BIRC6: variants seen among roughly 807,000 people sequenced by gnomAD.
BIRC6 encodes baculoviral IAP repeat containing 6.
Under a neutral mutation model 503.3 loss-of-function variants are expected in BIRC6, and 98 were observed. The ratio of observed to expected loss-of-function variants is 0.19; its 90% CI spans 0.17 to 0.23. The LOEUF is 0.23. Among genes scored for constraint, BIRC6 ranks in the 10% least tolerant of loss-of-function variants. The pLI, the probability that BIRC6 is intolerant of heterozygous loss-of-function variation, is 1.00. For missense variants in BIRC6, 5,360 were observed against 5,806.0 expected (o/e 0.92, Z 2.50); for synonymous variants, 2,240 against 2,078.7 (o/e 1.08, Z -2.11).
chr2:32,468,199 C>T (rs2048758862), intron 28 of BIRC6, 88 bp downstream of exon 28: 2 of 1,339,292 alleles, frequency 1.5e-6, no homozygotes, highest in Admixed American at 2.1e-5. Flanking sequence ...AATGTCTTTT[C>T]ATAGGTGTAC....
intron 71 of BIRC6, among the ~76,000 whole-genome samples, chr2:32,603,619 G>A (rs922324430): frequency 6.6e-6 from 1 of 152,002 alleles, no homozygotes; most frequent in Admixed American, 6.6e-5. Flanking sequence ...ACTAGGAGGC[G>A]CCTCTGAGGT....
intron 61 of BIRC6, among the ~76,000 whole-genome samples, chr2:32,538,790 G>A (rs768979351): frequency 6.6e-6 from 1 of 152,200 alleles, no homozygotes; most frequent in Non-Finnish European, 1.5e-5. Flanking sequence ...TAATTAGCCA[G>A]CAGTGGTAGC....
intron 29 of BIRC6, 44 bp downstream of exon 29, chr2:32,468,827 G>A: frequency 7.1e-7 from 1 of 1,399,318 alleles, no homozygotes; most frequent in East Asian, 2.3e-5. Context: ...GAATATACTT[G>A]ATGTGATTTC....
At chr2:32,434,386 C>T (rs997625423) in intron 13 of BIRC6, among the ~76,000 whole-genome samples, 5 of 152,074 alleles carry the variant, frequency 3.3e-5, no homozygotes, top group Non-Finnish European at 7.4e-5. Context: ...AACATTGAAA[C>T]TTGAAAATTT....
intron 65 of BIRC6, among the ~76,000 whole-genome samples, chr2:32,549,895 A>G (rs983212620): frequency 9.9e-5 from 15 of 152,216 alleles, no homozygotes; most frequent in African/African-American, 3.4e-4. Context: ...AATCAAGTCC[A>G]TAGGTACTTG....
intron 10 of BIRC6, among the ~76,000 whole-genome samples, chr2:32,423,746 G>A (rs1457934842): frequency 2.0e-5 from 3 of 151,750 alleles, no homozygotes; most frequent in African/African-American, 4.8e-5. Context: ...AATATTAAAT[G>A]GAAAATTTCA....
intron 50 of BIRC6, among the ~76,000 whole-genome samples, chr2:32,506,410 A>G (rs2053798611): frequency 6.6e-6 from 1 of 152,256 alleles, no homozygotes; most frequent in Admixed American, 6.5e-5. Flanking sequence ...TAAAAAACAG[A>G]TAATATAAAG....
chr2:32,543,611 C>A, intron 62 of BIRC6, 70 bp downstream of exon 62: 1 of 1,415,384 alleles, frequency 7.1e-7, no homozygotes. Flanking sequence ...AGATCATTGC[C>A]TATTATTCAT....
chr2:32,507,848 T>C, intron 50 of BIRC6, 132 bp from the exon 51 acceptor site: 1 of 750,304 alleles, frequency 1.3e-6, no homozygotes, highest in Non-Finnish European at 2.0e-6. Flanking sequence ...CTATATTTTG[T>C]TGTATAAGTT....
chr2:32,415,904 G>C lies in BIRC6; in HGVS notation c.2613G>C (p.Glu871Asp), dbSNP rs753983967. 2 of 1,613,972 alleles carry C rather than the reference G, an allele frequency of 1.2e-6. No homozygotes were observed. Among genetic ancestry groups the C allele is most frequent in the South Asian group, 2.2e-5 (2 of 91,084 alleles). ...CACCCGATATATTGGATAATCGAGA[G>C]GATGACTGTGAGGAACCTATTGAGG... ...LLPPDILDNREDDCEEPIEDM... is the reference protein window; with the variant it reads ...LLPPDILDNRDDDCEEPIEDM... The change falls in exon 10 of 74, where the codon GAG (glutamate) becomes GAC (aspartate). Residue 871 changes from glutamate (E) to aspartate (D), a missense_variant. Around this residue, in one of 16 missense-constraint regions of BIRC6, gnomAD observed 700 missense variants for 739.3 expected, o/e 0.95. Transcript: ENST00000421745.
At position 32,415,728 on chromosome 2, in the gene BIRC6, A is replaced by C; in HGVS notation, c.2437A>C (p.Ile813Leu). 2 of 1,613,886 alleles carry C rather than the reference A, an allele frequency of 1.2e-6. No homozygotes were observed. Among genetic ancestry groups the C allele is most frequent in the Non-Finnish European group, 1.7e-6 (2 of 1,179,866 alleles). The change falls in exon 10 of 74, where the codon ATT (isoleucine) becomes CTT (leucine). Residue 813 changes from isoleucine to leucine, a missense_variant. By Grantham distance (5) the Ile-to-Leu change is conservative. Transcript: ENST00000421745. ...AGCAGATGTACAGACTCCTTTAATA[A>C]TTCAGCCTGAGCAGAGGAATGTTAG... The part of the protein sequence containing the change: ...SPADVQTPLI[I>L]QPEQRNVSGG...
chr2:32,478,087 T>C (rs2049970895), intron 35 of BIRC6, among the ~76,000 whole-genome samples: 1 of 152,100 alleles, frequency 6.6e-6, no homozygotes, highest in African/African-American at 2.4e-5. Flanking sequence ...ACACCTGTAA[T>C]CCCAACACTT....
chr2:32,374,106 T>G (rs1280262899), intron 1 of BIRC6, among the ~76,000 whole-genome samples: 1 of 152,152 alleles, frequency 6.6e-6, no homozygotes, highest in East Asian at 1.9e-4. Flanking sequence ...TTTATCCTGA[T>G]GGATAAACAA....
At chr2:32,614,764 G>A (rs909051061) in intron 73 of BIRC6, among the ~76,000 whole-genome samples, 34 of 152,300 alleles carry the variant, frequency 2.2e-4, no homozygotes, top group African/African-American at 7.7e-4. Context: ...CCCGGGAGGT[G>A]GAGGTTGCAG....
intron 9 of BIRC6, among the ~76,000 whole-genome samples, chr2:32,412,964 G>GT (rs1292683691): frequency 2.7e-5 from 4 of 150,644 alleles, no homozygotes; most frequent in African/African-American, 9.7e-5. Context: ...TTGAAAAAAG[G>GT]TTTTGCTCAC....
chr2:32,503,524 A>G (rs1162409610), intron 49 of BIRC6, among the ~76,000 whole-genome samples: 1 of 152,084 alleles, frequency 6.6e-6, no homozygotes, highest in African/African-American at 2.4e-5. Flanking sequence ...CCTGGGTTCA[A>G]GCGATTCCTG....
At chr2:32,388,983 T>A (rs902050392) in intron 4 of BIRC6, 40 bp downstream of exon 4, 1 of 1,250,310 alleles carries the variant, frequency 8.0e-7, no homozygotes. Flanking sequence ...GAGATAGAAT[T>A]GATTAGTTTT....
At chr2:32,374,456 C>T (rs1023304574) in intron 1 of BIRC6, among the ~76,000 whole-genome samples, 1 of 151,782 alleles carries the variant, frequency 6.6e-6, no homozygotes, top group Middle Eastern at 3.2e-3. Context: ...TGCCACTACA[C>T]CTGGCTAAAT....
intron 66 of BIRC6, among the ~76,000 whole-genome samples, chr2:32,579,184 T>C (rs1349092048): frequency 5.3e-5 from 8 of 151,526 alleles, no homozygotes; most frequent in Non-Finnish European, 1.2e-4. Flanking sequence ...GTATTTGTAA[T>C]AGAATTTTTA....
Sources: gnomAD v4.1 joint callset for allele counts (sites outside exome capture counted in the v4.1 genomes callset) on GRCh38, gnomAD v4.1.1 for gene constraint, gnomAD v4.1.1 regional missense constraint, MANE v1.5 for transcripts, NCBI Gene and HGNC (gene_info 2026-07-23, HGNC 2026-07-21) for gene names.